Variants in EXD3 observed in about 807,000 individuals in gnomAD.
EXD3 encodes the protein exonuclease mut-7 homolog.
In EXD3, 92 loss-of-function variants were observed where a neutral mutation model predicts 98.0. The observed-to-expected ratio is 0.94, with a 90% CI of 0.79 to 1.12. The LOEUF (loss-of-function observed/expected upper bound fraction) is 1.12. Among genes scored for constraint, EXD3 ranks in the 50% most tolerant of loss-of-function variants. The pLI is 0.00. For synonymous variants in EXD3, 569 were observed against 526.0 expected (o/e 1.08, Z -1.12); for missense variants, 1,222 against 1,191.6 (o/e 1.03, Z -0.38).
At position 137,385,171 on chromosome 9, in the gene EXD3, G is replaced by GT. The variant is rs1306608815; in HGVS notation, c.56-1795dup. Among the ~76,000 whole-genome samples the GT allele has an allele frequency of 2.0e-5, 3 of 152,236 alleles. No homozygotes were observed. The highest frequency in any genetic ancestry group is 6.5e-5 in the Admixed American group (1 of 15,282). ...CGTCTCTGCAGCCACCTGGGCCTGG[G>GT]TGGCACAGGCCAGTGTTCCCGTCTG... On this transcript the variant is annotated intron_variant, in intron 2 of 21. Coordinates refer to ENST00000340951, the MANE Select transcript of EXD3 (RefSeq NM_017820.5). The surrounding 1 kb of genome is among the most constrained non-coding windows in gnomAD (Gnocchi z 4.4).
intron 19 of EXD3, among the ~76,000 whole-genome samples, chr9:137,320,079 G>T (rs1194033775): frequency 2.0e-5 from 3 of 152,222 alleles, no homozygotes; most frequent in African/African-American, 7.2e-5. Flanking sequence ...CTGCTCCCAG[G>T]CCGGGGCGGG....
At chr9:137,316,575 C>G (rs1038000098) in intron 19 of EXD3, among the ~76,000 whole-genome samples, 3 of 152,348 alleles carry the variant, frequency 2.0e-5, no homozygotes, top group Admixed American at 1.3e-4. Flanking sequence ...AGGCAGGGCC[C>G]CAGTACTCCC....
chr9:137,356,707 G>A (rs556972659), intron 7 of EXD3, among the ~76,000 whole-genome samples: 1 of 152,304 alleles, frequency 6.6e-6, no homozygotes, highest in South Asian at 2.1e-4. Context: ...TTCCTCACTG[G>A]TGATATTCTG....
chr9:137,328,294 C>T lies in EXD3; in HGVS notation c.1999-4151G>A, dbSNP rs1056040699. On this transcript the variant is annotated intron_variant, in intron 17 of 21. Transcript: ENST00000340951. ...ACACCCACATGATGAGTAAAAACAA[C>T]GAATAAACACCCATATGATGAGTAA... is the stretch of plus-strand genomic sequence containing the variant. 6.5e-4 allele frequency among the ~76,000 whole-genome samples: 88 copies of T among 134,730 alleles called. 3 individuals carry two copies. The highest frequency in any genetic ancestry group is 2.1e-3 in the East Asian group (7 of 3,376). 88.4% of individuals were successfully genotyped at this position (134,730 alleles called of 152,430 possible). A position where few individuals can be genotyped will look rare whatever the true frequency, so the allele number is the denominator to read the frequency against.
intron 5 of EXD3, among the ~76,000 whole-genome samples, chr9:137,369,145 G>T (rs966074427): frequency 6.7e-5 from 10 of 148,760 alleles, no homozygotes; most frequent in African/African-American, 2.0e-4. Flanking sequence ...GCGCAGGGCC[G>T]GGGCGGGGCC....
intron 17 of EXD3, among the ~76,000 whole-genome samples, chr9:137,334,031 C>T (rs1489953115): frequency 6.6e-6 from 1 of 151,686 alleles, no homozygotes; most frequent in Non-Finnish European, 1.5e-5. Flanking sequence ...GAGATGGAGT[C>T]TCGCTCTGTC....
Position 137,423,126 on chromosome 9 carries a change from GACCGCCCCACACC to G in EXD3, c.-73_-61del, listed in dbSNP as rs1838630061. 1 of 151,538 alleles carries G rather than the reference GACCGCCCCACACC, an allele frequency of 6.6e-6. No individual in the cohort carries two copies. The highest frequency in any genetic ancestry group is 2.1e-4 in the South Asian group (1 of 4,834). 9.4% of individuals were successfully genotyped at this position (151,538 alleles called of 1,614,324 possible). A position where few individuals can be genotyped will look rare whatever the true frequency, so the allele number is the denominator to read the frequency against. On this transcript the variant is annotated 5_prime_UTR_variant, in exon 1 of 22. Transcript: ENST00000340951. The stretch of plus-strand genomic sequence containing the variant: ...CGGGGTCGCTCACCTGCGGGGCCGG[GACCGCCCCACACC>G]GTCCACGCCCGGCGCGGAACCTTGG...
chr9:137,334,034 G>A (rs558892673), intron 17 of EXD3, among the ~76,000 whole-genome samples: 14 of 151,092 alleles, frequency 9.3e-5, no homozygotes, highest in East Asian at 7.8e-4. Flanking sequence ...ATGGAGTCTC[G>A]CTCTGTCACC....
At chr9:137,366,264 C>T (rs1326701714) in intron 7 of EXD3, 3 of 712,586 alleles carry the variant, frequency 4.2e-6, no homozygotes, top group East Asian at 2.7e-5. Context: ...CTTCTAAGAG[C>T]AGTTAACTCT....
At chr9:137,344,606 G>C (rs1475632751) in intron 17 of EXD3, among the ~76,000 whole-genome samples, 1 of 152,204 alleles carries the variant, frequency 6.6e-6, no homozygotes, top group Non-Finnish European at 1.5e-5. Flanking sequence ...CAGCTTTTCA[G>C]GTTACACTTT....
intron 1 of EXD3, among the ~76,000 whole-genome samples, chr9:137,417,968 T>A (rs1838316459): frequency 6.6e-6 from 1 of 152,016 alleles, no homozygotes; most frequent in Admixed American, 6.5e-5. Context: ...CGGGTGAGCC[T>A]CGGGGACGCA....
intron 17 of EXD3, among the ~76,000 whole-genome samples, chr9:137,334,922 A>G (rs554603100): frequency 9.2e-5 from 14 of 152,022 alleles, no homozygotes; most frequent in African/African-American, 3.4e-4. Context: ...CTAAAAATAC[A>G]AAAAATGAGC....
In EXD3 at chr9:137,359,434, A is replaced by G. The variant is rs185300177; in HGVS notation, c.657-3066T>C. ...ACGCCTGTAATCCCATCACCTTGGG[A>G]GGCTGAGGCAGGAGGATCGCTCGAG... On this transcript the variant is annotated intron_variant, in intron 7 of 21. Coordinates refer to ENST00000340951, the MANE Select transcript of EXD3 (RefSeq NM_017820.5). 7.8e-3 allele frequency among the ~76,000 whole-genome samples: 639 copies of G among 82,016 alleles called. 239 individuals carry two copies. Among genetic ancestry groups the G allele is most frequent in the Non-Finnish European group, 0.015 (510 of 33,494 alleles). The allele number at this position is 82,016 out of a possible 152,430, so 53.8% of individuals were successfully genotyped here.
intron 17 of EXD3, among the ~76,000 whole-genome samples, chr9:137,331,540 T>G (rs909156569): frequency 9.2e-5 from 14 of 152,172 alleles, no homozygotes; most frequent in Non-Finnish European, 1.9e-4. Flanking sequence ...ACTCCTCGAT[T>G]TGACAAATGG....
At chr9:137,420,737 A>AACCCCC (rs1554743328) in intron 1 of EXD3, among the ~76,000 whole-genome samples, 25 of 112,444 alleles carry the variant, frequency 2.2e-4, no homozygotes, top group Non-Finnish European at 3.3e-4. Flanking sequence ...ACAGACATTC[A>AACCCCC]CCCCCCCCCC....
intron 3 of EXD3, among the ~76,000 whole-genome samples, chr9:137,381,415 C>CAAAAAAAA (rs61183889): frequency 1.1e-3 from 57 of 50,826 alleles, no homozygotes; most frequent in Non-Finnish European, 1.5e-3. Context: ...GACTCCTTCT[C>CAAAAAAAA]AAAAAAAAAA....
chr9:137,380,969 C>T (rs935364952), intron 3 of EXD3, among the ~76,000 whole-genome samples: 5 of 148,900 alleles, frequency 3.4e-5, no homozygotes, highest in Admixed American at 2.0e-4. Context: ...CGTGGTGTTG[C>T]ACACCTATTA....
rs6606591 is a variant in EXD3 at position 137,403,232 on chromosome 9, G to A, written c.-47-7828C>T. ...GTCATCTGCTTGGAAATGGGTTGGG[G>A]GCACCCCAGGAGTGGGGCCCCACTG... On this transcript the variant is annotated intron_variant, in intron 1 of 21. Transcript: ENST00000340951. This position sits in a 1 kb window ranked among gnomAD's most constrained non-coding sequence, Gnocchi z 6.1. Among the ~76,000 whole-genome samples the A allele has an allele frequency of 0.69, 105,161 of 151,318 alleles. 37,055 individuals are homozygous for A. Among genetic ancestry groups the A allele is most frequent in the African/African-American group, 0.79 (32,448 of 41,218 alleles).
At position 137,314,526 on chromosome 9, in the gene EXD3, C is replaced by T. The variant is rs373331154; in HGVS notation, c.2185-4826G>A. Among the ~76,000 whole-genome samples the T allele has an allele frequency of 9.2e-5, 14 of 152,284 alleles. No individual in the cohort carries two copies. The East Asian group carries it at 1.7e-3, about 19-fold the overall frequency. ...GTAGCCACCCGCTCAGTGACCCCCG[C>T]CCTAAGGCCCCGGGAACGTCTGGAG... On this transcript the variant is annotated intron_variant, in intron 19 of 21. Transcript: ENST00000340951.
Sources: allele counts gnomAD v4.1 joint callset (sites outside exome capture counted in the v4.1 genomes callset), GRCh38; gene constraint gnomAD v4.1.1; non-coding constraint Gnocchi (gnomAD v3.1); transcripts MANE v1.5; gene names NCBI Gene and HGNC (gene_info 2026-07-23, HGNC 2026-07-21).